Variants in STPG2 observed in about 807,000 individuals in gnomAD.
STPG2 encodes the protein sperm-tail PG-rich repeat-containing protein 2.
A neutral mutation model predicts 54.2 loss-of-function variants in STPG2; 56 were observed. That is an observed-to-expected ratio of 1.03 (90% CI 0.83 to 1.29). STPG2 has a LOEUF of 1.29. Ranked by LOEUF, STPG2 falls within the 50% of genes most tolerant of loss-of-function variation. The probability of loss-of-function intolerance (pLI) is 0.00; values close to 1 mark genes in which losing one functional copy is unlikely to be tolerated. For synonymous variants in STPG2, 200 were observed against 181.8 expected, an observed-to-expected ratio of 1.10 and a Z score of -0.81; for missense variants, 596 against 544.9, an observed-to-expected ratio of 1.09 and a Z score of -0.93.
intron 4 of STPG2, among the ~76,000 whole-genome samples, chr4:97,454,664 T>C (rs1729470590): frequency 6.6e-6 from 1 of 151,716 alleles, no homozygotes; most frequent in South Asian, 2.1e-4. Flanking sequence ...GTTAAATGTT[T>C]AAATGTTAAA....
At chr4:98,071,959 G>T (rs926802431) in intron 5 of STPG2, among the ~76,000 whole-genome samples, 8 of 152,150 alleles carry the variant, frequency 5.3e-5, no homozygotes, top group African/African-American at 1.9e-4. Context: ...CACTGTTGGT[G>T]GGAGTGTAAA....
chr4:97,498,774 A>T (rs1358374154), intron 4 of STPG2, among the ~76,000 whole-genome samples: 1 of 151,974 alleles, frequency 6.6e-6, no homozygotes, highest in African/African-American at 2.4e-5. Flanking sequence ...TCTTGCAAAG[A>T]TAGGATAAAA....
intron 10 of STPG2, among the ~76,000 whole-genome samples, chr4:97,659,639 C>T (rs1722316949): frequency 6.6e-6 from 1 of 152,174 alleles, no homozygotes; most frequent in African/African-American, 2.4e-5. Flanking sequence ...AAGCAAAGTG[C>T]TTTGGCACAC....
chr4:97,719,855 G>A (rs570429661), intron 9 of STPG2, among the ~76,000 whole-genome samples: 25 of 151,902 alleles, frequency 1.6e-4, no homozygotes, highest in Non-Finnish European at 2.9e-4. Context: ...GATTGAAGTC[G>A]CATTTCTATT....
intron 8 of STPG2, among the ~76,000 whole-genome samples, chr4:97,933,588 C>A (rs544520596): frequency 2.0e-5 from 3 of 152,136 alleles, no homozygotes; most frequent in Non-Finnish European, 4.4e-5. Context: ...ATATGGTTGG[C>A]CAGTTTTCCC....
intron 4 of STPG2, 89 bp from the exon 5 acceptor site, chr4:98,106,153 T>C: frequency 1.1e-6 from 1 of 913,278 alleles, no homozygotes; most frequent in Non-Finnish European, 1.5e-6. Flanking sequence ...TACAGCAACA[T>C]GTCCTGCAAT....
chr4:97,451,467 T>C (rs2148798323), intron 4 of STPG2, among the ~76,000 whole-genome samples: 1 of 152,162 alleles, frequency 6.6e-6, no homozygotes, highest in East Asian at 1.9e-4. Flanking sequence ...TTTAAGAAGT[T>C]TAGTTTCAAA....
chr4:97,536,534 C>A (rs1481800704), intron 4 of STPG2, among the ~76,000 whole-genome samples: 3 of 152,154 alleles, frequency 2.0e-5, no homozygotes, highest in Admixed American at 2.0e-4. Flanking sequence ...GTCAATTAAA[C>A]CTATTTCCTT....
chr4:97,881,875 T>C (rs1334451133), intron 8 of STPG2, among the ~76,000 whole-genome samples: 1 of 152,216 alleles, frequency 6.6e-6, no homozygotes, highest in East Asian at 1.9e-4. Flanking sequence ...ATTTCAAAAC[T>C]GATTTTCAGC....
At chr4:97,805,731 AT>A (rs1020632284) in intron 9 of STPG2, among the ~76,000 whole-genome samples, 1,898 of 149,258 alleles carry the variant, frequency 0.013, 35 homozygotes, top group African/African-American at 0.044. Context: ...TACTCTGTTA[AT>A]TTTTTTTTTC....
Position 98,143,153 on chromosome 4 carries a change from TG to T in STPG2, c.-4del. 6.2e-7 allele frequency: 1 copy of T among 1,610,848 alleles called. No individual in the cohort carries two copies. Among genetic ancestry groups the T allele is most frequent in the Non-Finnish European group, 8.5e-7 (1 of 1,177,938 alleles). On this transcript the variant is annotated 5_prime_UTR_variant, in exon 1 of 11. Coordinates refer to ENST00000295268, the MANE Select transcript of STPG2 (RefSeq NM_174952.3). ...AGGCGGGGAGCCCGATCATACATAGTGCTCGGGGTGGTGGGGGCGCTGGGGA... is the reference window on the plus strand; with the variant it reads ...AGGCGGGGAGCCCGATCATACATAGTCTCGGGGTGGTGGGGGCGCTGGGGA...
chr4:97,735,923 C>T (rs181877736), intron 9 of STPG2, among the ~76,000 whole-genome samples: 36 of 152,064 alleles, frequency 2.4e-4, no homozygotes, highest in East Asian at 3.9e-4. Context: ...ATGCAAATGG[C>T]CAATGGATAT....
chr4:97,821,324 G>T (rs181270509), intron 9 of STPG2, among the ~76,000 whole-genome samples: 6 of 152,186 alleles, frequency 3.9e-5, no homozygotes, highest in Non-Finnish European at 8.8e-5. Flanking sequence ...CTGCAGTAAG[G>T]AGTGGGCTTT....
chr4:98,102,786 T>C (rs1158606323), intron 5 of STPG2, among the ~76,000 whole-genome samples: 1 of 149,766 alleles, frequency 6.7e-6, no homozygotes, highest in Non-Finnish European at 1.5e-5. Context: ...GGTAGAGGCA[T>C]TGAATATTAT....
At chr4:97,953,473 T>A (rs555556469) in intron 7 of STPG2, among the ~76,000 whole-genome samples, 8 of 152,306 alleles carry the variant, frequency 5.3e-5, no homozygotes, top group Admixed American at 1.3e-4. Flanking sequence ...GGTGTGCAGC[T>A]CCTGCACTTG....
At chr4:98,079,080 T>A (rs933843773) in intron 5 of STPG2, among the ~76,000 whole-genome samples, 2 of 152,212 alleles carry the variant, frequency 1.3e-5, no homozygotes, top group African/African-American at 4.8e-5. Context: ...AATTATATCC[T>A]AGCTTTTTTG....
chr4:97,783,840 G>T (rs915585732), intron 9 of STPG2, among the ~76,000 whole-genome samples: 1 of 151,826 alleles, frequency 6.6e-6, no homozygotes, highest in Non-Finnish European at 1.5e-5. Flanking sequence ...ACCAAACACC[G>T]CATGTTCTCA....
At chr4:97,755,141 G>A (rs781263795) in intron 9 of STPG2, among the ~76,000 whole-genome samples, 6 of 152,028 alleles carry the variant, frequency 3.9e-5, no homozygotes, top group Non-Finnish European at 5.9e-5. Flanking sequence ...CGCATTTATC[G>A]GCTTCATTTC....
intron 3 of STPG2, 53 bp from the exon 4 acceptor site, chr4:98,109,358 C>A (rs1739280990): frequency 1.5e-6 from 2 of 1,347,876 alleles, no homozygotes; most frequent in South Asian, 1.3e-5. Flanking sequence ...TTAAATAAGT[C>A]ATGAAACAAT....
Sources: gnomAD v4.1 joint callset for allele counts (sites outside exome capture counted in the v4.1 genomes callset) on GRCh38, gnomAD v4.1.1 for gene constraint, MANE v1.5 for transcripts, NCBI Gene and HGNC (gene_info 2026-07-23, HGNC 2026-07-21) for gene names.